The following SEMA5A variants were observed in gnomAD, a reference collection of about 807,000 sequenced individuals.
The protein encoded by SEMA5A is semaphorin 5A.
SEMA5A carries 55 observed loss-of-function variants against 135.5 expected under a neutral mutation model. The ratio of observed to expected loss-of-function variants is 0.41; its 90% CI spans 0.33 to 0.51. The LOEUF (loss-of-function observed/expected upper bound fraction) is 0.51, where lower values mean the gene tolerates loss of function less well. Ranked by LOEUF, SEMA5A falls within the 20% of genes least tolerant of loss-of-function variation. The pLI is 0.37. For missense variants in SEMA5A, 1,290 were observed against 1,419.9 expected (o/e 0.91, Z 1.47); for synonymous variants, 580 against 546.5 (o/e 1.06, Z -0.85).
At chr5:9,341,185 T>G (rs963341479) in intron 3 of SEMA5A, among the ~76,000 whole-genome samples, 3 of 148,082 alleles carry the variant, frequency 2.0e-5, no homozygotes, top group African/African-American at 7.6e-5. Context: ...ATCACACACA[T>G]ACAAACACAC....
intron 1 of SEMA5A, among the ~76,000 whole-genome samples, chr5:9,439,082 G>C (rs1758138124): frequency 6.6e-6 from 1 of 152,148 alleles, no homozygotes; most frequent in African/African-American, 2.4e-5. Context: ...AGACGCCCCA[G>C]CAGCCCAGGC....
rs2150007119 is a variant in SEMA5A at position 9,036,046 on chromosome 5, A to G, written c.*6851T>C. The G allele has an allele frequency of 6.6e-6, 1 of 152,190 alleles. No individual in the cohort carries two copies. The highest frequency in any genetic ancestry group is 2.1e-4 in the South Asian group (1 of 4,812). The allele number at this position is 152,190 out of a possible 1,614,324, so 9.4% of individuals were successfully genotyped here. A position where few individuals can be genotyped will look rare whatever the true frequency, so the allele number is the denominator to read the frequency against. On this transcript the variant is annotated 3_prime_UTR_variant, in exon 23 of 23. Transcript: ENST00000382496. ...ATTAACGCAGAATGAGGCATTTAAC[A>G]TTTGATAACATCTTTAAAAGTTACA...
At chr5:9,526,014 C>T (rs1737103013) in intron 1 of SEMA5A, among the ~76,000 whole-genome samples, 1 of 152,072 alleles carries the variant, frequency 6.6e-6, no homozygotes, top group African/African-American at 2.4e-5. Context: ...ATAGAGAGTT[C>T]TAGAGTTGGG....
intron 3 of SEMA5A, among the ~76,000 whole-genome samples, chr5:9,359,690 T>C (rs1232053697): frequency 6.6e-6 from 1 of 152,220 alleles, no homozygotes; most frequent in Non-Finnish European, 1.5e-5. Flanking sequence ...ATTCCGTCTT[T>C]ATATTTGCCA....
Position 9,333,969 on chromosome 5 carries a change from A to G in SEMA5A, c.224+3744T>C, listed in dbSNP as rs372514589. Among the ~76,000 whole-genome samples the G allele has an allele frequency of 2.0e-5, 3 of 152,212 alleles. 1 individual carries two copies. The East Asian group carries it at 5.8e-4, about 29-fold the overall frequency. On this transcript the variant is annotated intron_variant, in intron 4 of 22. Coordinates refer to ENST00000382496, the MANE Select transcript of SEMA5A (RefSeq NM_003966.3). ...TGCATTTAACATAATACGAAAGTTC[A>G]TGTGCATCCTGGAAATGAAAATGTA...
intron 1 of SEMA5A, among the ~76,000 whole-genome samples, chr5:9,497,192 A>G (rs1735346294): frequency 6.6e-6 from 1 of 152,236 alleles, no homozygotes; most frequent in African/African-American, 2.4e-5. Context: ...GGAGATAATC[A>G]GCTGATGATC....
chr5:9,376,300 C>T (rs921120953), intron 3 of SEMA5A, among the ~76,000 whole-genome samples: 1 of 152,154 alleles, frequency 6.6e-6, no homozygotes, highest in Non-Finnish European at 1.5e-5. Context: ...ACTTCCTGTG[C>T]GTGAGGCTTG....
chr5:9,058,165 A>T (rs1736994807), intron 18 of SEMA5A, among the ~76,000 whole-genome samples: 1 of 152,202 alleles, frequency 6.6e-6, no homozygotes, highest in East Asian at 1.9e-4. Context: ...AAAAAATAAC[A>T]TTAGTAATAG....
intron 8 of SEMA5A, among the ~76,000 whole-genome samples, chr5:9,221,660 T>C (rs959197324): frequency 5.3e-5 from 8 of 152,052 alleles, no homozygotes; most frequent in Admixed American, 1.3e-4. Context: ...TTTGAGGTTA[T>C]GGTGAAAAGA....
chr5:9,274,779 C>T (rs890265697), intron 5 of SEMA5A, among the ~76,000 whole-genome samples: 2 of 152,094 alleles, frequency 1.3e-5, no homozygotes, highest in Non-Finnish European at 1.5e-5. Context: ...TTCTTTGAAA[C>T]CAATGAGAAC....
At chr5:9,068,256 T>C (rs896598435) in intron 16 of SEMA5A, among the ~76,000 whole-genome samples, 2 of 152,230 alleles carry the variant, frequency 1.3e-5, no homozygotes, top group African/African-American at 2.4e-5. Flanking sequence ...CTGGAAGGTC[T>C]GTAGCACAGA....
rs1245985812 is a variant in SEMA5A at position 9,244,082 on chromosome 5, T to C, written c.271-6192A>G. 2.0e-5 allele frequency among the ~76,000 whole-genome samples: 3 copies of C among 152,210 alleles called. No individual in the cohort carries two copies. The East Asian group carries it at 5.8e-4, about 29-fold the overall frequency. On this transcript the variant is annotated intron_variant, in intron 5 of 22. Transcript: ENST00000382496. ...GATTTTAAAAGGACCATGATTTGCC[T>C]AATGAAACTCTAAAGTCAAGAAAGG... is the stretch of plus-strand genomic sequence containing the variant.
intron 10 of SEMA5A, among the ~76,000 whole-genome samples, chr5:9,196,490 T>C (rs1477616456): frequency 1.3e-5 from 2 of 152,230 alleles, no homozygotes; most frequent in Admixed American, 6.5e-5. Flanking sequence ...AAATGCCTCT[T>C]TTTTAAGCTA....
intron 12 of SEMA5A, among the ~76,000 whole-genome samples, chr5:9,138,287 T>C (rs2150223825): frequency 6.6e-6 from 1 of 152,332 alleles, no homozygotes; most frequent in South Asian, 2.1e-4. Flanking sequence ...CTGTTTATAC[T>C]AACTCACATA....
intron 3 of SEMA5A, among the ~76,000 whole-genome samples, chr5:9,370,209 G>A (rs568052031): frequency 5.3e-5 from 8 of 152,198 alleles, no homozygotes; most frequent in East Asian, 1.9e-4. Context: ...AATGACAACC[G>A]TTAATCACCT....
chr5:9,477,383 G>A (rs2126769342), intron 1 of SEMA5A, among the ~76,000 whole-genome samples: 1 of 152,304 alleles, frequency 6.6e-6, no homozygotes, highest in South Asian at 2.1e-4. Context: ...CTGCGTAATG[G>A]GCAGAGGTTG....
At chr5:9,527,020 C>A (rs1286970455) in intron 1 of SEMA5A, among the ~76,000 whole-genome samples, 1 of 152,108 alleles carries the variant, frequency 6.6e-6, no homozygotes, top group Admixed American at 6.5e-5. Context: ...GCAAACTCCA[C>A]CTGGGTATGG....
chr5:9,178,805 A>C (rs753984371), intron 11 of SEMA5A, among the ~76,000 whole-genome samples: 3 of 152,184 alleles, frequency 2.0e-5, no homozygotes, highest in African/African-American at 4.8e-5. Context: ...TCAACTAGAA[A>C]AGTCCTTTGT....
chr5:9,311,945 G>C lies in SEMA5A; in HGVS notation c.270+6427C>G, dbSNP rs569048880. On this transcript the variant is annotated intron_variant, in intron 5 of 22. Coordinates refer to ENST00000382496, the MANE Select transcript of SEMA5A (RefSeq NM_003966.3). ...AGCATTTGTGAGTGAGAAACAAGCA[G>C]TGAATTTATTTCCGTTAGAAACAAA... Among the ~76,000 whole-genome samples, 6 of 152,212 alleles carry C rather than the reference G, an allele frequency of 3.9e-5. No individual in the cohort carries two copies. The South Asian group carries it at 1.2e-3, about 32-fold the overall frequency.
Sources: gnomAD v4.1 joint callset for allele counts (sites outside exome capture counted in the v4.1 genomes callset) on GRCh38, gnomAD v4.1.1 for gene constraint, MANE v1.5 for transcripts, NCBI Gene and HGNC (gene_info 2026-07-23, HGNC 2026-07-21) for gene names.